RFX3: variants seen among roughly 807,000 people sequenced by gnomAD.
The protein encoded by RFX3 is transcription factor RFX3.
RFX3 carries 14 observed loss-of-function variants against 98.6 expected under a neutral mutation model. The observed-to-expected ratio is 0.14, with a 90% CI of 0.09 to 0.22. The LOEUF is 0.22. Ranked by LOEUF, RFX3 falls within the 10% of genes least tolerant of loss-of-function variation. The pLI is 1.00. For synonymous variants in RFX3, 383 were observed against 328.4 expected (o/e 1.17, Z -1.80); for missense variants, 639 against 926.9 (o/e 0.69, Z 4.03).
chr9:3,390,465 G>C (rs369215666), intron 2 of RFX3, among the ~76,000 whole-genome samples: 11 of 152,244 alleles, frequency 7.2e-5, no homozygotes, highest in African/African-American at 2.6e-4. Context: ...ATGAAATCCA[G>C]GCTGAAGTGG....
intron 2 of RFX3, among the ~76,000 whole-genome samples, chr9:3,372,243 G>C (rs577281894): frequency 6.6e-6 from 1 of 152,298 alleles, no homozygotes; most frequent in Non-Finnish European, 1.5e-5. Flanking sequence ...ATAAACACCA[G>C]AGGCTTCCTC....
chr9:3,524,606 G>A (rs1819030205), intron 1 of RFX3: 1 of 981,928 alleles, frequency 1.0e-6, no homozygotes, highest in African/African-American at 1.8e-5. Flanking sequence ...ATAACACTGT[G>A]AACTGAGTTC....
intron 1 of RFX3, chr9:3,524,695 C>T (rs964913984): frequency 7.1e-6 from 6 of 845,916 alleles, no homozygotes; most frequent in Non-Finnish European, 7.1e-6. Context: ...CACTCTACTG[C>T]GGGGAAGGAG....
At position 3,304,800 on chromosome 9, in the gene RFX3, G is replaced by A. The variant is rs986215076; in HGVS notation, c.475-3180C>T. 2.6e-5 allele frequency among the ~76,000 whole-genome samples: 4 copies of A among 152,024 alleles called. No homozygotes were observed. The East Asian group carries it at 7.7e-4, about 29-fold the overall frequency. ...CCTCTTTTTCTTTATAAATTACCCA[G>A]TCTCAGATATGTCTTTATCAGCAGC... On this transcript the variant is annotated intron_variant, in intron 4 of 16. Transcript: ENST00000617270.
chr9:3,403,392 A>T (rs1841663793), intron 1 of RFX3, among the ~76,000 whole-genome samples: 1 of 152,130 alleles, frequency 6.6e-6, no homozygotes, highest in Non-Finnish European at 1.5e-5. Flanking sequence ...AATCCTCATG[A>T]CTGTGTACAA....
intron 3 of RFX3, among the ~76,000 whole-genome samples, chr9:3,339,344 A>G (rs1833593029): frequency 6.6e-6 from 1 of 152,212 alleles, no homozygotes; most frequent in Non-Finnish European, 1.5e-5. Flanking sequence ...AAATGGCATT[A>G]TAAAAGATTT....
intron 2 of RFX3, among the ~76,000 whole-genome samples, chr9:3,390,187 T>C (rs376022754): frequency 8.5e-5 from 13 of 152,266 alleles, no homozygotes; most frequent in African/African-American, 3.1e-4. Context: ...AATTCCCACA[T>C]GTCTTGGGAG....
At chr9:3,420,885 A>G (rs2132340366) in intron 1 of RFX3, 1 of 984,944 alleles carries the variant, frequency 1.0e-6, no homozygotes, top group Non-Finnish European at 1.2e-6. Flanking sequence ...ACAACCAAAG[A>G]TATCCTTGGG....
chr9:3,437,499 T>G (rs1353390998), intron 1 of RFX3, among the ~76,000 whole-genome samples: 1 of 151,978 alleles, frequency 6.6e-6, no homozygotes, highest in East Asian at 1.9e-4. Flanking sequence ...TTAACAAAAA[T>G]CCTCTGGTAA....
chr9:3,321,260 T>A (rs542646844), intron 4 of RFX3, among the ~76,000 whole-genome samples: 1 of 152,186 alleles, frequency 6.6e-6, no homozygotes, highest in Admixed American at 6.5e-5. Flanking sequence ...ATGTAGCATT[T>A]CATATACATA....
At chr9:3,472,263 T>C (rs547574239) in intron 1 of RFX3, among the ~76,000 whole-genome samples, 67 of 152,220 alleles carry the variant, frequency 4.4e-4, no homozygotes, top group Non-Finnish European at 8.2e-4. Flanking sequence ...TTTAAAAGCT[T>C]GGGCTTTAGT....
intron 4 of RFX3, among the ~76,000 whole-genome samples, chr9:3,318,973 G>T (rs192245831): frequency 5.3e-4 from 80 of 152,326 alleles, no homozygotes; most frequent in African/African-American, 1.9e-3. Flanking sequence ...AGTCTGTGAC[G>T]ATAAAACTAG....
intron 1 of RFX3, among the ~76,000 whole-genome samples, chr9:3,421,326 T>A (rs1323525952): frequency 1.3e-5 from 2 of 152,220 alleles, no homozygotes; most frequent in Non-Finnish European, 2.9e-5. Flanking sequence ...CCCTATTGAT[T>A]AAATGCAACT....
intron 9 of RFX3, among the ~76,000 whole-genome samples, chr9:3,273,918 T>A (rs921483331): frequency 6.6e-6 from 1 of 151,934 alleles, no homozygotes; most frequent in East Asian, 1.9e-4. Flanking sequence ...TAAGGTTCAC[T>A]TGAACACATG....
intron 1 of RFX3, among the ~76,000 whole-genome samples, chr9:3,518,464 G>C (rs1245209130): frequency 3.3e-5 from 5 of 152,096 alleles, no homozygotes; most frequent in Non-Finnish European, 7.4e-5. Context: ...GGTGAAATGA[G>C]TGACACAGAC....
At chr9:3,471,949 T>C (rs187047780) in intron 1 of RFX3, among the ~76,000 whole-genome samples, 110 of 152,332 alleles carry the variant, frequency 7.2e-4, no homozygotes, top group African/African-American at 2.3e-3. Context: ...TATAAAGACA[T>C]AGGTTTTCTA....
chr9:3,483,023 G>C (rs1849928676), intron 1 of RFX3, among the ~76,000 whole-genome samples: 1 of 152,140 alleles, frequency 6.6e-6, no homozygotes, highest in South Asian at 2.1e-4. Flanking sequence ...AAGCAGTTTA[G>C]CTATTTGCTT....
intron 1 of RFX3, among the ~76,000 whole-genome samples, chr9:3,477,677 T>A (rs377119276): frequency 1.3e-5 from 2 of 152,334 alleles, no homozygotes; most frequent in East Asian, 3.9e-4. Context: ...TTCTTGGATG[T>A]GTAGCACAGA....
intron 4 of RFX3, among the ~76,000 whole-genome samples, chr9:3,320,869 T>C (rs1454575551): frequency 1.3e-5 from 2 of 150,460 alleles, no homozygotes; most frequent in Admixed American, 6.6e-5. Flanking sequence ...TACTAACGTT[T>C]ATTTGCATAT....
Sources: gnomAD v4.1 joint callset for allele counts (sites outside exome capture counted in the v4.1 genomes callset) on GRCh38, gnomAD v4.1.1 for gene constraint, MANE v1.5 for transcripts, NCBI Gene and HGNC (gene_info 2026-07-23, HGNC 2026-07-21) for gene names.